CNTN5: variants seen among roughly 807,000 people sequenced by gnomAD.
CNTN5 encodes the protein contactin 5, also known as contactin-5.
CNTN5 carries 77 observed loss-of-function variants against 129.1 expected under a neutral mutation model. That is an observed-to-expected ratio of 0.60 (90% CI 0.50 to 0.72). The LOEUF (loss-of-function observed/expected upper bound fraction) is 0.72. Ranked by LOEUF, CNTN5 falls within the 30% of genes least tolerant of loss-of-function variation. CNTN5 has a pLI of 0.00. For synonymous variants in CNTN5, 509 were observed against 465.6 expected, an observed-to-expected ratio of 1.09 and a Z score of -1.20; for missense variants, 1,478 against 1,328.8, an observed-to-expected ratio of 1.11 and a Z score of -1.75.
At chr11:100,326,516 A>G (rs1951789927) in intron 21 of CNTN5, among the ~76,000 whole-genome samples, 1 of 152,094 alleles carries the variant, frequency 6.6e-6, no homozygotes, top group African/African-American at 2.4e-5. Context: ...ATCTTCCACC[A>G]TGCCCCTAGT....
chr11:99,504,595 A>G, intron 2 of CNTN5, among the ~76,000 whole-genome samples: 2 of 152,196 alleles, frequency 1.3e-5, no homozygotes, highest in Middle Eastern at 3.4e-3. Flanking sequence ...ACACACTAAC[A>G]ATTCAGTTGT....
At chr11:100,059,699 G>A (rs747886875) in intron 9 of CNTN5, among the ~76,000 whole-genome samples, 19 of 152,006 alleles carry the variant, frequency 1.2e-4, no homozygotes, top group Non-Finnish European at 2.5e-4. Context: ...ATGCGATGCT[G>A]GCAAAGATAT....
intron 2 of CNTN5, among the ~76,000 whole-genome samples, chr11:99,546,464 G>T (rs1402936508): frequency 6.6e-6 from 1 of 152,048 alleles, no homozygotes; most frequent in African/African-American, 2.4e-5. Flanking sequence ...TCTATAAATT[G>T]AGAGAGGAAA....
intron 3 of CNTN5, among the ~76,000 whole-genome samples, chr11:99,794,677 A>G (rs1945870362): frequency 1.3e-5 from 2 of 151,968 alleles, no homozygotes; most frequent in Non-Finnish European, 2.9e-5. Flanking sequence ...TCCTTTGTTT[A>G]TGATGCTTAG....
intron 15 of CNTN5, among the ~76,000 whole-genome samples, chr11:100,202,447 G>A (rs1359478621): frequency 6.6e-6 from 1 of 151,418 alleles, no homozygotes; most frequent in East Asian, 1.9e-4. Context: ...TACACTATAT[G>A]AGATCCAATT....
intron 1 of CNTN5, among the ~76,000 whole-genome samples, chr11:99,174,938 A>C (rs1822272214): frequency 6.6e-6 from 1 of 152,118 alleles, no homozygotes; most frequent in South Asian, 2.1e-4. Context: ...TGTATTCAAA[A>C]TCTTAGGGTT....
intron 3 of CNTN5, among the ~76,000 whole-genome samples, chr11:99,682,721 C>G (rs1351733534): frequency 6.6e-6 from 1 of 151,856 alleles, no homozygotes; most frequent in Non-Finnish European, 1.5e-5. Context: ...ATCTAAAATA[C>G]AGTCATTCCA....
intron 3 of CNTN5, among the ~76,000 whole-genome samples, chr11:99,609,640 T>C (rs1401579082): frequency 6.6e-6 from 1 of 152,080 alleles, no homozygotes; most frequent in Non-Finnish European, 1.5e-5. Context: ...ATCAGGAACA[T>C]AGGAACAGAT....
At chr11:99,845,446 C>CACTGCAA in intron 6 of CNTN5, among the ~76,000 whole-genome samples, 184 bp downstream of exon 6, 1 of 134,124 alleles carries the variant, frequency 7.5e-6, no homozygotes, top group Non-Finnish European at 1.5e-5. Context: ...GATCTCGGCT[C>CACTGCAA]ACTGCAAGCT....
At chr11:100,095,276 A>C (rs990346133) in intron 13 of CNTN5, among the ~76,000 whole-genome samples, 3 of 152,266 alleles carry the variant, frequency 2.0e-5, no homozygotes, top group Admixed American at 2.0e-4. Context: ...ACTAACTAGA[A>C]GTCTTGTTGT....
chr11:99,801,061 G>A (rs575005428), intron 3 of CNTN5, among the ~76,000 whole-genome samples: 65 of 152,164 alleles, frequency 4.3e-4, no homozygotes, highest in African/African-American at 1.5e-3. Context: ...TAGCAAGTAT[G>A]TTTTGTTTTG....
intron 2 of CNTN5, among the ~76,000 whole-genome samples, chr11:99,346,750 G>A (rs1043690768): frequency 2.0e-5 from 3 of 152,146 alleles, no homozygotes; most frequent in African/African-American, 4.8e-5. Flanking sequence ...TAAGTATGAG[G>A]CCCTCATGAT....
chr11:99,990,742 G>T (rs12279897), intron 8 of CNTN5, among the ~76,000 whole-genome samples: 57,714 of 151,872 alleles, frequency 0.38, 12,414 homozygotes, highest in African/African-American at 0.59. Flanking sequence ...TGAAAATAAG[G>T]CATCTGGACA....
chr11:99,648,680 G>A (rs928966877), intron 3 of CNTN5, among the ~76,000 whole-genome samples: 4 of 151,750 alleles, frequency 2.6e-5, no homozygotes, highest in South Asian at 2.1e-4. Context: ...AAGAGGAAAC[G>A]AATAAAGAGA....
intron 3 of CNTN5, among the ~76,000 whole-genome samples, chr11:99,747,994 T>G (rs10750392): frequency 0.22 from 34,043 of 152,098 alleles, 4,003 homozygotes; most frequent in African/African-American, 0.27. Flanking sequence ...TTCATTTTAT[T>G]AATGTGGTGT....
intron 3 of CNTN5, among the ~76,000 whole-genome samples, chr11:99,812,838 G>A (rs76669767): frequency 0.034 from 5,142 of 152,186 alleles, 130 homozygotes; most frequent in South Asian, 0.1. Flanking sequence ...CGATGATGGC[G>A]GTACTGTAAG....
chr11:100,351,747 C>G (rs1001062561), intron 24 of CNTN5, among the ~76,000 whole-genome samples: 3 of 150,208 alleles, frequency 2.0e-5, no homozygotes, highest in Admixed American at 6.7e-5. Context: ...AACATTTTCT[C>G]ATGTACAATT....
intron 1 of CNTN5, among the ~76,000 whole-genome samples, chr11:99,095,045 C>T (rs1003729560): frequency 6.6e-6 from 1 of 151,718 alleles, no homozygotes; most frequent in African/African-American, 2.4e-5. Flanking sequence ...AGGTTTGTTA[C>T]ATAGGTATAC....
At chr11:99,175,526 C>T (rs553392256) in intron 1 of CNTN5, among the ~76,000 whole-genome samples, 2 of 152,116 alleles carry the variant, frequency 1.3e-5, no homozygotes, top group South Asian at 4.2e-4. Context: ...AAAATGGAAT[C>T]CTATTCAGGA....
Sources: allele counts gnomAD v4.1 joint callset (sites outside exome capture counted in the v4.1 genomes callset), GRCh38; gene constraint gnomAD v4.1.1; transcripts MANE v1.5; gene names NCBI Gene and HGNC (gene_info 2026-07-23, HGNC 2026-07-21).